Variants in USH2A observed in about 807,000 individuals in gnomAD.
USH2A encodes the protein usherin.
USH2A carries 443 observed loss-of-function variants against 538.9 expected under a neutral mutation model. That is an observed-to-expected ratio of 0.82 (90% CI 0.76 to 0.89). USH2A has a LOEUF of 0.89. Among genes scored for constraint, USH2A ranks in the 40% least tolerant of loss-of-function variants. The pLI, the probability that USH2A is intolerant of heterozygous loss-of-function variation, is 0.00. For synonymous variants in USH2A, 2,413 were observed against 2,273.5 expected (o/e 1.06, Z -1.75); for missense variants, 6,633 against 6,324.8 (o/e 1.05, Z -1.65).
At chr1:216,009,875 T>G (rs1238876578) in intron 32 of USH2A, among the ~76,000 whole-genome samples, 2 of 152,190 alleles carry the variant, frequency 1.3e-5, no homozygotes, top group African/African-American at 4.8e-5. Context: ...TAGTCAAGGT[T>G]AATGCTCCTT....
At chr1:215,945,549 A>G (rs1571835681) in intron 37 of USH2A, among the ~76,000 whole-genome samples, 1 of 152,336 alleles carries the variant, frequency 6.6e-6, no homozygotes, top group East Asian at 1.9e-4. Flanking sequence ...ATTTTAAAAC[A>G]TGACTACATC....
intron 30 of USH2A, among the ~76,000 whole-genome samples, chr1:216,065,862 A>C (rs1009326663): frequency 6.6e-6 from 1 of 152,132 alleles, no homozygotes; most frequent in African/African-American, 2.4e-5. Context: ...GCACCACTGC[A>C]CTCCAACCTG....
At chr1:215,910,643 A>G (rs1665757838) in intron 38 of USH2A, among the ~76,000 whole-genome samples, 1 of 151,918 alleles carries the variant, frequency 6.6e-6, no homozygotes, top group Non-Finnish European at 1.5e-5. Context: ...CTGTCATATC[A>G]TTACTCACAC....
rs546531313 is a variant in USH2A, at chr1:215,744,506, G to C, written c.11390-1171C>G. ...TGATCTGAGAGTTTTTAACATTTAT[G>C]AGTTTAGTTATTTACTTCTGTAGTA... On this transcript the variant is annotated intron_variant, in intron 58 of 71. Coordinates refer to ENST00000307340, the MANE Select transcript of USH2A (RefSeq NM_206933.4). Among the ~76,000 whole-genome samples the C allele has an allele frequency of 1.1e-4, 17 of 152,288 alleles. No homozygotes were observed. In the Middle Eastern group the frequency reaches 0.01, roughly 91 times the overall value.
intron 44 of USH2A, among the ~76,000 whole-genome samples, chr1:215,857,415 G>T (rs547908577): frequency 6.6e-6 from 1 of 152,278 alleles, no homozygotes; most frequent in East Asian, 1.9e-4. Context: ...GTTGCAGCCT[G>T]CAGGATGGCC....
chr1:216,301,359 C>T (rs766956112), intron 9 of USH2A, among the ~76,000 whole-genome samples: 1 of 152,080 alleles, frequency 6.6e-6, no homozygotes, highest in Non-Finnish European at 1.5e-5. Flanking sequence ...AATGAGTCAT[C>T]GAAAACAACT....
At chr1:216,039,317 T>C (rs1307714562) in intron 32 of USH2A, among the ~76,000 whole-genome samples, 2 of 152,022 alleles carry the variant, frequency 1.3e-5, no homozygotes, top group African/African-American at 4.8e-5. Context: ...TTGCATAGCT[T>C]GACTTTTGTT....
At chr1:216,102,698 G>A (rs2032619461) in intron 21 of USH2A, among the ~76,000 whole-genome samples, 2 of 152,240 alleles carry the variant, frequency 1.3e-5, no homozygotes, top group South Asian at 2.1e-4. Context: ...TACTCGGGAG[G>A]CTGAGCCAGG....
chr1:216,233,876 G>A (rs1401541974), intron 13 of USH2A, among the ~76,000 whole-genome samples: 1 of 152,084 alleles, frequency 6.6e-6, no homozygotes, highest in Non-Finnish European at 1.5e-5. Context: ...GTTCATGTAT[G>A]TGTACATATA....
At chr1:215,966,511 TTAGGGTGATTATACCTTATCAATTA>T (rs1667351960) in intron 36 of USH2A, among the ~76,000 whole-genome samples, 1 of 152,182 alleles carries the variant, frequency 6.6e-6, no homozygotes, top group African/African-American at 2.4e-5. Context: ...CCTTTATTTG[TTAGGGTGATTATACCTTATCAATTA>T]TGAAAATAAA....
At chr1:216,285,314 A>G (rs2036860398) in intron 11 of USH2A, among the ~76,000 whole-genome samples, 1 of 152,192 alleles carries the variant, frequency 6.6e-6, no homozygotes. Context: ...GGATCAACAT[A>G]CAGCTCAGAC....
At chr1:216,243,285 A>T (rs565359736) in intron 13 of USH2A, among the ~76,000 whole-genome samples, 29 of 152,294 alleles carry the variant, frequency 1.9e-4, no homozygotes, top group African/African-American at 5.5e-4. Context: ...TGATTTTTTT[A>T]AAAAATGATA....
chr1:216,316,555 A>G (rs2037513166), intron 9 of USH2A, among the ~76,000 whole-genome samples: 2 of 152,182 alleles, frequency 1.3e-5, no homozygotes, highest in Non-Finnish European at 2.9e-5. Flanking sequence ...TAAATGTGGT[A>G]AATGTCACCC....
intron 26 of USH2A, among the ~76,000 whole-genome samples, chr1:216,080,709 A>G (rs2031914525): frequency 6.6e-6 from 1 of 151,456 alleles, no homozygotes. Flanking sequence ...TTGAACATAC[A>G]AAGAGGGGAG....
intron 30 of USH2A, among the ~76,000 whole-genome samples, chr1:216,061,085 G>C (rs548965957): frequency 6.6e-6 from 1 of 152,312 alleles, no homozygotes; most frequent in East Asian, 1.9e-4. Context: ...GGAGGGCACA[G>C]AATCTAGACC....
Position 216,023,459 on chromosome 1 carries a change from C to CAAAAAAAAAAAAAA in USH2A, c.6326-22911_6326-22898dup. 4.9e-3 allele frequency among the ~76,000 whole-genome samples: 231 copies of CAAAAAAAAAAAAAA among 46,844 alleles called. 5 individuals carry two copies. The highest frequency in any genetic ancestry group is 6.6e-3 in the Non-Finnish European group (175 of 26,556). The allele number at this position is 46,844 out of a possible 152,430, so 30.7% of individuals were successfully genotyped here. ...CCTCTTAAAAACTGTTCAAAGCAGA[C>CAAAAAAAAAAAAAA]AAAAAAAAAAAAAAAAAAAAAAATC... On this transcript the variant is annotated intron_variant, in intron 32 of 71. Transcript: ENST00000307340.
At chr1:216,079,405 C>T (rs139681661) in intron 26 of USH2A, among the ~76,000 whole-genome samples, 141 of 152,088 alleles carry the variant, frequency 9.3e-4, no homozygotes, top group African/African-American at 3.3e-3. Flanking sequence ...CTTTTTGCTC[C>T]CTGGAAATTG....
chr1:215,768,301 C>T (rs1053165415), intron 55 of USH2A, among the ~76,000 whole-genome samples: 1 of 152,136 alleles, frequency 6.6e-6, no homozygotes, highest in African/African-American at 2.4e-5. Flanking sequence ...TTTGTTTTGC[C>T]TATCTGTATC....
chr1:216,048,851 T>C (rs1045093251), intron 30 of USH2A, among the ~76,000 whole-genome samples: 8 of 152,276 alleles, frequency 5.3e-5, no homozygotes, highest in Non-Finnish European at 1.0e-4. Context: ...GAGAAAAAAT[T>C]GTGAGACCAA....
Sources: allele counts gnomAD v4.1 joint callset (sites outside exome capture counted in the v4.1 genomes callset), GRCh38; gene constraint gnomAD v4.1.1; transcripts MANE v1.5; gene names NCBI Gene and HGNC (gene_info 2026-07-23, HGNC 2026-07-21).